Variants in CTNNA1 observed in about 807,000 individuals in gnomAD.
CTNNA1 encodes catenin alpha 1.
In CTNNA1, 37 loss-of-function variants were observed where a neutral mutation model predicts 98.4. That is an observed-to-expected ratio of 0.38 (90% CI 0.29 to 0.49). CTNNA1 has a LOEUF of 0.49. Ranked by LOEUF, CTNNA1 falls within the 20% of genes least tolerant of loss-of-function variation. The pLI is 0.95. For missense variants in CTNNA1, 761 were observed against 1,147.2 expected, an observed-to-expected ratio of 0.66 and a Z score of 4.86; for synonymous variants, 404 against 413.2, an observed-to-expected ratio of 0.98 and a Z score of 0.27.
intron 4 of CTNNA1, 196 bp from the exon 5 acceptor site, chr5:138,811,987 A>G (rs947890833): frequency 1.4e-5 from 7 of 492,490 alleles, no homozygotes; most frequent in South Asian, 2.3e-5. Context: ...TTAGAGGCCA[A>G]TATTAGTGTT....
intron 9 of CTNNA1, among the ~76,000 whole-genome samples, chr5:138,889,098 C>CAGAT (rs1483716100): frequency 6.6e-6 from 1 of 152,146 alleles, no homozygotes; most frequent in Admixed American, 6.5e-5. Context: ...GTATAACTTC[C>CAGAT]AGATACACAC....
intron 11 of CTNNA1, among the ~76,000 whole-genome samples, chr5:138,922,595 T>C (rs1489701308): frequency 6.6e-6 from 1 of 152,238 alleles, no homozygotes; most frequent in Non-Finnish European, 1.5e-5. Flanking sequence ...TTGTTGTGTC[T>C]ACTCATAGTG....
intron 3 of CTNNA1, among the ~76,000 whole-genome samples, chr5:138,803,464 A>C (rs1359417365): frequency 2.6e-5 from 4 of 152,160 alleles, no homozygotes; most frequent in South Asian, 2.1e-4. Context: ...TCTCAGGCCA[A>C]ATTCTTGAAA....
intron 7 of CTNNA1, among the ~76,000 whole-genome samples, chr5:138,849,111 G>A (rs983996681): frequency 2.0e-5 from 3 of 152,118 alleles, no homozygotes; most frequent in African/African-American, 7.2e-5. Flanking sequence ...ATTGAGTTTT[G>A]TATAGGCATC....
At chr5:138,839,229 T>A (rs1423183048) in intron 7 of CTNNA1, among the ~76,000 whole-genome samples, 1 of 152,238 alleles carries the variant, frequency 6.6e-6, no homozygotes, top group Non-Finnish European at 1.5e-5. Context: ...TTTTTATTTT[T>A]TTTTTCTTTT....
intron 7 of CTNNA1, among the ~76,000 whole-genome samples, chr5:138,855,704 A>G (rs288019): frequency 0.68 from 103,382 of 152,078 alleles, 35,383 homozygotes; most frequent in East Asian, 0.93. Flanking sequence ...TCCTTCTTAT[A>G]AAAAGAGCTG....
At chr5:138,855,982 T>G (rs1029049424) in intron 7 of CTNNA1, among the ~76,000 whole-genome samples, 4 of 152,190 alleles carry the variant, frequency 2.6e-5, no homozygotes, top group Non-Finnish European at 5.9e-5. Context: ...GAGAGGAAAC[T>G]AGGGACATTA....
intron 7 of CTNNA1, among the ~76,000 whole-genome samples, chr5:138,878,278 T>C (rs1752099482): frequency 1.3e-5 from 2 of 152,166 alleles, no homozygotes; most frequent in African/African-American, 2.4e-5. Context: ...AAAGAAGACA[T>C]GGAGTTTGCC....
chr5:138,824,857 A>G, intron 6 of CTNNA1, 58 bp downstream of exon 6: 1 of 1,527,382 alleles, frequency 6.5e-7, no homozygotes, highest in South Asian at 1.2e-5. Flanking sequence ...AAGATAACAG[A>G]TTTCTGGGGA....
chr5:138,866,861 CCT>C (rs1214751310), intron 7 of CTNNA1, among the ~76,000 whole-genome samples: 4 of 152,146 alleles, frequency 2.6e-5, no homozygotes. Context: ...ATGACTTTCA[CCT>C]CTTTTTCCCC....
At chr5:138,818,506 A>G (rs1292912541) in intron 5 of CTNNA1, among the ~76,000 whole-genome samples, 24 of 151,982 alleles carry the variant, frequency 1.6e-4, no homozygotes. Flanking sequence ...AATGGCTTTT[A>G]TAGAGACTTT....
At chr5:138,818,188 G>A (rs1014588593) in intron 5 of CTNNA1, among the ~76,000 whole-genome samples, 5 of 149,650 alleles carry the variant, frequency 3.3e-5, no homozygotes, top group African/African-American at 1.2e-4. Context: ...AGAGTGCAGT[G>A]GCATTTTCTC....
Position 138,816,847 on chromosome 5 carries a change from C to T in CTNNA1, c.588+4545C>T, listed in dbSNP as rs111720996. On this transcript the variant is annotated intron_variant, in intron 5 of 17. Transcript: ENST00000302763. ...CTGAGTAGCTGAGACTACAGGCATG[C>T]GCCACCATGCCCAGCTGATTTTTGT... 7.9e-4 allele frequency among the ~76,000 whole-genome samples: 120 copies of T among 152,096 alleles called. 1 individual carries two copies. Among genetic ancestry groups the T allele is most frequent in the African/African-American group, 2.7e-3 (114 of 41,476 alleles).
intron 16 of CTNNA1, 55 bp downstream of exon 16, chr5:138,930,990 C>G: frequency 8.6e-7 from 1 of 1,156,938 alleles, no homozygotes; most frequent in South Asian, 1.2e-5. Flanking sequence ...GCTCAGGCAG[C>G]CCAGCCTGGT....
chr5:138,802,849 G>A (rs1455065915), intron 3 of CTNNA1, among the ~76,000 whole-genome samples: 1 of 152,054 alleles, frequency 6.6e-6, no homozygotes, highest in Non-Finnish European at 1.5e-5. Flanking sequence ...GTGGTCTGGA[G>A]TGCAGTGGTG....
chr5:138,809,145 C>T (rs547566524), intron 3 of CTNNA1, among the ~76,000 whole-genome samples: 37 of 152,130 alleles, frequency 2.4e-4, no homozygotes, highest in South Asian at 1.7e-3. Flanking sequence ...CCACCATGCC[C>T]AGCCTATAAA....
intron 7 of CTNNA1, among the ~76,000 whole-genome samples, chr5:138,845,239 C>T (rs1762605556): frequency 1.3e-5 from 2 of 152,136 alleles, no homozygotes; most frequent in East Asian, 1.9e-4. Flanking sequence ...TAAAACTATT[C>T]GGTTTAGCCT....
At position 138,887,467 on chromosome 5, in the gene CTNNA1, A is replaced by T. The variant is rs28363446; in HGVS notation, c.1144-23A>T. On this transcript the variant is annotated intron_variant, in intron 8 of 17. Coordinates refer to ENST00000302763, the MANE Select transcript of CTNNA1 (RefSeq NM_001903.5). ...TACCTTTTTGGTAGAAATAAAATCA[A>T]ATTTTTACAATTTAATCATTAGCTC... 1.6e-4 allele frequency: 254 copies of T among 1,564,330 alleles called. 1 individual carries two copies. In the African/African-American group the frequency reaches 3.1e-3, roughly 19 times the overall value.
intron 7 of CTNNA1, among the ~76,000 whole-genome samples, chr5:138,858,188 G>A (rs1763900037): frequency 6.7e-6 from 1 of 149,948 alleles, no homozygotes; most frequent in South Asian, 2.1e-4. Context: ...ATGCAGTGAT[G>A]TTAACACTGC....
Sources: allele counts gnomAD v4.1 joint callset (sites outside exome capture counted in the v4.1 genomes callset), GRCh38; gene constraint gnomAD v4.1.1; transcripts MANE v1.5; gene names NCBI Gene and HGNC (gene_info 2026-07-23, HGNC 2026-07-21).